ZNF841: variants seen among roughly 807,000 people sequenced by gnomAD.
ZNF841 encodes TCONS_00006091.
A neutral mutation model predicts 13.0 loss-of-function variants in ZNF841; 11 were observed. That is an observed-to-expected ratio of 0.85 (90% CI 0.53 to 1.40). The LOEUF is 1.40. Ranked by LOEUF, ZNF841 falls within the 40% of genes most tolerant of loss-of-function variation. The pLI is 0.00. For missense variants in ZNF841, 1,068 were observed against 1,139.5 expected (o/e 0.94, Z 0.90); for synonymous variants, 369 against 381.6 (o/e 0.97, Z 0.38).
chr19:52,076,839 G>A, intron 5 of ZNF841, 119 bp downstream of exon 5: 1 of 1,247,156 alleles, frequency 8.0e-7, no homozygotes, highest in Non-Finnish European at 1.1e-6. Flanking sequence ...CTTTTTATTT[G>A]TGAATCAACA....
intron 6 of ZNF841, among the ~76,000 whole-genome samples, chr19:52,072,484 A>G (rs1443765398): frequency 6.6e-6 from 1 of 152,234 alleles, no homozygotes; most frequent in Admixed American, 6.5e-5. Flanking sequence ...TTATCCCATC[A>G]TAATAAAATA....
At chr19:52,082,896 C>T (rs566699763) in intron 4 of ZNF841, among the ~76,000 whole-genome samples, 9 of 152,040 alleles carry the variant, frequency 5.9e-5, no homozygotes, top group African/African-American at 1.4e-4. Context: ...CTGGTTAACA[C>T]GGTGAAACCC....
At position 52,066,291 on chromosome 19, in the gene ZNF841, G is replaced by A; in HGVS notation, c.1591C>T (p.His531Tyr). The A allele has an allele frequency of 1.2e-6, 2 of 1,613,834 alleles. No individual in the cohort carries two copies. Among genetic ancestry groups the A allele is most frequent in the Non-Finnish European group, 1.7e-6 (2 of 1,179,864 alleles). Reference protein sequence around the residue: ...AFNWGSLLTVHQRIHTGEKPY... With the variant: ...AFNWGSLLTVYQRIHTGEKPY... ...TTCTCTCCGGTATGAATTCTCTGAT[G>A]TACAGTTAGTAATGAGCCCCAATTA... The change falls in exon 7 of 7, where the codon CAT becomes TAT. Residue 531 changes from histidine (H) to tyrosine (Y), a missense_variant. Transcript: ENST00000594440.
intron 3 of ZNF841, among the ~76,000 whole-genome samples, chr19:52,085,609 T>C (rs1164055939): frequency 3.3e-5 from 5 of 152,086 alleles, no homozygotes; most frequent in Admixed American, 3.3e-4. Context: ...GAGAAGGTGA[T>C]ATCAGAACAA....
At chr19:52,080,248 A>T (rs1343880274) in intron 4 of ZNF841, among the ~76,000 whole-genome samples, 1 of 152,226 alleles carries the variant, frequency 6.6e-6, no homozygotes, top group Non-Finnish European at 1.5e-5. Context: ...AAGGAACAGG[A>T]ATCCCCAAAC....
rs1386248624 is a variant in ZNF841 at position 52,065,782 on chromosome 19, G to C, written c.2100C>G (p.His700Gln). Residue 700 changes from histidine to glutamine, a missense_variant, in exon 7 of 7, where the codon CAC becomes CAG. His to Gln is a conservative substitution (Grantham distance 24). Coordinates refer to ENST00000594440, the MANE Select transcript of ZNF841 (RefSeq NM_001136499.2). ...FIQSSKLARY[H>Q]RNPTGEKPHK... ...GTGGTTTCTCCCCAGTAGGATTTCT[G>C]TGATATCTTGCAAGTTTTGAACTTT... 1 of 1,610,726 alleles carries C rather than the reference G, an allele frequency of 6.2e-7. No individual in the cohort carries two copies. Among genetic ancestry groups the C allele is most frequent in the Non-Finnish European group, 8.5e-7 (1 of 1,178,076 alleles).
chr19:52,076,966 C>A lies in ZNF841; in HGVS notation c.134G>T (p.Gly45Val), dbSNP rs1366171997. The A allele has an allele frequency of 6.2e-7, 1 of 1,612,734 alleles. No homozygotes were observed. Among genetic ancestry groups the A allele is most frequent in the Non-Finnish European group, 8.5e-7 (1 of 1,179,158 alleles). ...AGGAAAACTATCCTCACCCAGGAAG[C>A]CGAGGTTCCTGTAGTTCTCCAACAT... ...DVMLENYRNL[G>V]FLGLCLPDLN... is the part of the protein sequence containing the mutation. Residue 45 changes from glycine to valine, a missense_variant, in exon 5 of 7, where the codon GGC becomes GTC. Physicochemically the swap from Gly to Val is moderately radical, Grantham distance 109. Coordinates refer to ENST00000594440, the MANE Select transcript of ZNF841 (RefSeq NM_001136499.2).
chr19:52,079,512 C>T (rs2088024314), intron 4 of ZNF841, among the ~76,000 whole-genome samples: 1 of 140,026 alleles, frequency 7.1e-6, no homozygotes, highest in African/African-American at 3.0e-5. Context: ...GATTCATTTC[C>T]TCTAAATTAA....
intron 2 of ZNF841, among the ~76,000 whole-genome samples, chr19:52,093,602 A>G (rs147526394): frequency 7.2e-5 from 11 of 152,338 alleles, no homozygotes; most frequent in Admixed American, 1.3e-4. Flanking sequence ...GAAAAATCTA[A>G]TAAATTATGG....
At chr19:52,082,378 T>A (rs1005141058) in intron 4 of ZNF841, among the ~76,000 whole-genome samples, 4 of 152,194 alleles carry the variant, frequency 2.6e-5, no homozygotes, top group Non-Finnish European at 5.9e-5. Context: ...ACATTTATAA[T>A]CTGAAACTTT....
intron 6 of ZNF841, among the ~76,000 whole-genome samples, chr19:52,072,028 A>C (rs1397294640): frequency 1.3e-5 from 2 of 152,244 alleles, no homozygotes; most frequent in African/African-American, 4.8e-5. Flanking sequence ...CAAAATGTTA[A>C]CCGAAAGACA....
intron 2 of ZNF841, among the ~76,000 whole-genome samples, chr19:52,092,945 C>T (rs778549176): frequency 7.2e-5 from 11 of 152,150 alleles, no homozygotes; most frequent in Non-Finnish European, 1.5e-4. Flanking sequence ...ATGGTGAAAC[C>T]CTGTCTCTAC....
intron 6 of ZNF841, among the ~76,000 whole-genome samples, chr19:52,075,740 G>C (rs1406921233): frequency 6.6e-6 from 1 of 152,210 alleles, no homozygotes; most frequent in Non-Finnish European, 1.5e-5. Flanking sequence ...ACACGGGAAA[G>C]AGACTTCTTT....
chr19:52,063,813 G>A (rs1413903110), downstream of ZNF841: 3 of 152,144 alleles, frequency 2.0e-5, no homozygotes, highest in East Asian at 3.8e-4. Flanking sequence ...CAGACACCTC[G>A]GGGAAGCCTC....
intron 6 of ZNF841, among the ~76,000 whole-genome samples, chr19:52,073,414 T>A (rs995872787): frequency 6.6e-6 from 1 of 152,072 alleles, no homozygotes. Context: ...TTCTCTTGTC[T>A]CAGCCTCCCA....
At chr19:52,092,481 G>C (rs1315868786) in intron 2 of ZNF841, among the ~76,000 whole-genome samples, 1 of 152,092 alleles carries the variant, frequency 6.6e-6, no homozygotes, top group African/African-American at 2.4e-5. Context: ...TTTTAAATAG[G>C]CAAGAGATAA....
chr19:52,089,759 T>G (rs1174964461), intron 2 of ZNF841, among the ~76,000 whole-genome samples: 1 of 152,208 alleles, frequency 6.6e-6, no homozygotes, highest in Admixed American at 6.5e-5. Flanking sequence ...CTTGCTCTTA[T>G]AACCACACTT....
At chr19:52,068,079 T>G (rs1224737236) in intron 6 of ZNF841, among the ~76,000 whole-genome samples, 1 of 152,150 alleles carries the variant, frequency 6.6e-6, no homozygotes, top group Non-Finnish European at 1.5e-5. Flanking sequence ...TAAAACATTC[T>G]AATAGCCTGT....
chr19:52,075,328 C>A (rs1275017090), intron 6 of ZNF841, among the ~76,000 whole-genome samples: 3 of 152,082 alleles, frequency 2.0e-5, no homozygotes, highest in African/African-American at 7.2e-5. Flanking sequence ...TCCACAGATC[C>A]CAAACTAAGA....
Sources: gnomAD v4.1 joint callset for allele counts (sites outside exome capture counted in the v4.1 genomes callset) on GRCh38, gnomAD v4.1.1 for gene constraint, MANE v1.5 for transcripts, NCBI Gene and HGNC (gene_info 2026-07-23, HGNC 2026-07-21) for gene names.